The following LYST variants were observed in gnomAD, a reference collection of about 807,000 sequenced individuals.
LYST encodes lysosomal-trafficking regulator.
A neutral mutation model predicts 413.6 loss-of-function variants in LYST; 192 were observed. The ratio of observed to expected loss-of-function variants is 0.46; its 90% CI spans 0.41 to 0.52. LYST has a LOEUF of 0.52. Ranked by LOEUF, LYST falls within the 20% of genes least tolerant of loss-of-function variation. The pLI, the probability that LYST is intolerant of heterozygous loss-of-function variation, is 0.00. For missense variants in LYST, 3,815 were observed against 4,499.9 expected (o/e 0.85, Z 4.35); for synonymous variants, 1,525 against 1,567.3 (o/e 0.97, Z 0.64).
chr1:235,881,462 A>G (rs941229682), intron 1 of LYST, among the ~76,000 whole-genome samples: 2 of 152,244 alleles, frequency 1.3e-5, no homozygotes, highest in African/African-American at 4.8e-5. Context: ...CCATCCAACA[A>G]TTCCACTTCC....
At chr1:235,665,318 G>A (rs980612822) in intron 50 of LYST, among the ~76,000 whole-genome samples, 6 of 151,930 alleles carry the variant, frequency 3.9e-5, no homozygotes, top group African/African-American at 1.5e-4. Flanking sequence ...CCATCTATAA[G>A]AAGTGACTTG....
chr1:235,689,324 T>C (rs979514460), intron 47 of LYST, among the ~76,000 whole-genome samples: 1 of 152,196 alleles, frequency 6.6e-6, no homozygotes, highest in Non-Finnish European at 1.5e-5. Flanking sequence ...TTTAAAAAGA[T>C]GGAAATCCTG....
intron 28 of LYST, among the ~76,000 whole-genome samples, chr1:235,749,434 CAG>C (rs1004471429): frequency 3.3e-5 from 5 of 150,926 alleles, no homozygotes; most frequent in Admixed American, 6.6e-5. Flanking sequence ...AGAGAGACTT[CAG>C]AGAGAGAGAG....
chr1:235,745,143 A>C (rs1665791286), intron 29 of LYST, among the ~76,000 whole-genome samples: 1 of 152,134 alleles, frequency 6.6e-6, no homozygotes, highest in African/African-American at 2.4e-5. Context: ...AGGTGTTTTG[A>C]TATATGAATA....
chr1:235,806,040 T>G lies in LYST; in HGVS notation c.3096A>C (p.Arg1032Ser). Residue 1032 changes from arginine to serine, a missense_variant, in exon 6 of 53, where the codon AGA becomes AGC. Physicochemically the swap from Arg to Ser is moderately radical, Grantham distance 110. Coordinates refer to ENST00000389793, the MANE Select transcript of LYST (RefSeq NM_000081.4). The part of the protein sequence containing the change: ...QDLNRISQPK[R>S]TMKEDLLSLA... ...AAGATAATAAATCTTCCTTCATAGT[T>G]CTCTTAGGTTGAGAAATTCTGTTTA... 1 of 1,613,958 alleles carries G rather than the reference T, an allele frequency of 6.2e-7. No individual in the cohort carries two copies. The highest frequency in any genetic ancestry group is 2.2e-5 in the East Asian group (1 of 44,870).
chr1:235,715,757 T>C (rs1033262224), intron 41 of LYST, among the ~76,000 whole-genome samples: 1 of 152,074 alleles, frequency 6.6e-6, no homozygotes, highest in African/African-American at 2.4e-5. Flanking sequence ...CTATGCTGTC[T>C]AGAGAACTGC....
intron 13 of LYST, 82 bp downstream of exon 13, chr1:235,788,619 T>C (rs1670675420): frequency 7.5e-7 from 1 of 1,340,654 alleles, no homozygotes; most frequent in African/African-American, 1.5e-5. Context: ...TGAACTTTTA[T>C]TAGTAGATTT....
At chr1:235,869,471 C>CA (rs113943265), upstream of LYST, among the ~76,000 whole-genome samples, 6,418 of 145,450 alleles carry the variant, frequency 0.044, 438 homozygotes, top group African/African-American at 0.15. Context: ...GACTCCGTCT[C>CA]AAAAAAAAAA....
chr1:235,801,977 C>T (rs1407301260), intron 8 of LYST, among the ~76,000 whole-genome samples: 3 of 151,930 alleles, frequency 2.0e-5, no homozygotes, highest in South Asian at 4.1e-4. Context: ...GGGTGGATCA[C>T]GAAGTCAGGA....
chr1:235,763,669 G>A (rs774251964), intron 21 of LYST, among the ~76,000 whole-genome samples: 4 of 151,642 alleles, frequency 2.6e-5, no homozygotes, highest in Admixed American at 6.6e-5. Context: ...ATGTTGACCA[G>A]GCTGGAGTTG....
chr1:235,759,050 C>T lies in LYST; in HGVS notation c.6803G>A (p.Arg2268Lys). ...AVGRWPSLVD[R>K]NTDDWENFAY... ...AAAGTTTTCCCAATCATCAGTGTTT[C>T]TATCAACAAGACTTGGCCAACGGCC... is the stretch of plus-strand genomic sequence containing the variant. Residue 2268 changes from arginine (R) to lysine (K), a missense_variant, in exon 23 of 53, where the codon AGA becomes AAA. By Grantham distance (26) the Arg-to-Lys change is conservative. Coordinates refer to ENST00000389793, the MANE Select transcript of LYST (RefSeq NM_000081.4). 6.2e-7 allele frequency: 1 copy of T among 1,614,116 alleles called. No homozygotes were observed. The highest frequency in any genetic ancestry group is 8.5e-7 in the Non-Finnish European group (1 of 1,179,994).
chr1:235,791,278 C>A (rs1199668011), intron 12 of LYST, among the ~76,000 whole-genome samples: 6 of 149,506 alleles, frequency 4.0e-5, no homozygotes, highest in African/African-American at 1.5e-4. Context: ...GTGAAACTGT[C>A]TCAAAAAAAA....
intron 12 of LYST, among the ~76,000 whole-genome samples, chr1:235,790,812 C>G (rs545504758): frequency 4.7e-4 from 72 of 152,212 alleles, no homozygotes; most frequent in African/African-American, 1.7e-3. Flanking sequence ...AAAGAAGGAA[C>G]TGGAATGAAA....
At chr1:235,880,217 A>G (rs1681320290) in intron 1 of LYST, among the ~76,000 whole-genome samples, 1 of 152,214 alleles carries the variant, frequency 6.6e-6, no homozygotes, top group African/African-American at 2.4e-5. Flanking sequence ...CACTTCCTCA[A>G]TTTCAGAGAA....
intron 22 of LYST, 34 bp downstream of exon 22, chr1:235,762,686 G>A (rs980215054): frequency 2.8e-5 from 44 of 1,599,190 alleles, no homozygotes; most frequent in Non-Finnish European, 3.3e-5. Flanking sequence ...GAACTAAAAT[G>A]AGAAGGTCAT....
In LYST at chr1:235,809,982, G is replaced by A; in HGVS notation, c.836C>T (p.Ser279Phe). The change falls in exon 5 of 53, where the codon TCT becomes TTT. Residue 279 changes from serine (S) to phenylalanine (F), a missense_variant. By Grantham distance (155) the Ser-to-Phe change is radical. Around this residue, in one of 4 missense-constraint regions of LYST, gnomAD observed 1,648 missense variants for 1,810.3 expected, o/e 0.91. Coordinates refer to ENST00000389793, the MANE Select transcript of LYST (RefSeq NM_000081.4). This position sits in a 1 kb window ranked among gnomAD's most constrained non-coding sequence, Gnocchi z 4.0. ...GGGCACTACACTGGCTGCTAAAGGA[G>A]AATTATGATTCAAGGTAACGTCAAA... ...CKFDVTLNHNSPLAASVVPTL... is the reference protein window; with the variant it reads ...CKFDVTLNHNFPLAASVVPTL... The A allele has an allele frequency of 6.2e-7, 1 of 1,613,832 alleles. No homozygotes were observed. Among genetic ancestry groups the A allele is most frequent in the South Asian group, 1.1e-5 (1 of 91,074 alleles).
intron 1 of LYST, among the ~76,000 whole-genome samples, chr1:235,855,937 A>C (rs1223733111): frequency 6.6e-6 from 1 of 152,198 alleles, no homozygotes. Context: ...TTTCACACCA[A>C]GAAAGATAAC....
At chr1:235,786,965 T>C in intron 14 of LYST, 2 of 353,238 alleles carry the variant, frequency 5.7e-6, no homozygotes, top group Non-Finnish European at 1.1e-5. Context: ...AGTTAATGGG[T>C]GCAGCACACC....
chr1:235,677,726 A>T, intron 48 of LYST, 107 bp from the exon 49 acceptor site: 1 of 826,890 alleles, frequency 1.2e-6, no homozygotes, highest in Admixed American at 1.9e-5. Context: ...CTTCTCAAAC[A>T]TATCATTCTT....
Sources: gnomAD v4.1 joint callset for allele counts (sites outside exome capture counted in the v4.1 genomes callset) on GRCh38, gnomAD v4.1.1 for gene constraint, gnomAD v4.1.1 regional missense constraint, Gnocchi (gnomAD v3.1) non-coding constraint, MANE v1.5 for transcripts, NCBI Gene and HGNC (gene_info 2026-07-23, HGNC 2026-07-21) for gene names.